Variants in CLSTN3 observed in about 807,000 individuals in gnomAD.
CLSTN3 encodes the protein calsyntenin 3.
In CLSTN3, 36 loss-of-function variants were observed where a neutral mutation model predicts 95.9. The ratio of observed to expected loss-of-function variants is 0.38; its 90% confidence interval spans 0.29 to 0.50. The LOEUF is 0.50. CLSTN3 is among the 20% of genes least tolerant of loss of function. The probability of loss-of-function intolerance (pLI) is 0.95; values close to 1 mark genes in which losing one functional copy is unlikely to be tolerated. For synonymous variants in CLSTN3, 481 were observed against 504.0 expected, an observed-to-expected ratio of 0.95 and a Z score of 0.61; for missense variants, 1,084 against 1,268.8, an observed-to-expected ratio of 0.85 and a Z score of 2.21.
At chr12:7,153,472 T>C (rs1008467135) in intron 16 of CLSTN3, among the ~76,000 whole-genome samples, 1 of 152,164 alleles carries the variant, frequency 6.6e-6, no homozygotes, top group African/African-American at 2.4e-5. Context: ...AGTGTTCTAC[T>C]GTGATTCACT....
chr12:7,129,381 C>T (rs1939236132), upstream of CLSTN3: 1 of 164,520 alleles, frequency 6.1e-6, no homozygotes, highest in Admixed American at 5.7e-5. The surrounding 1 kb of genome is among the most constrained non-coding windows in gnomAD (Gnocchi z 5.5). Context: ...AGAGCTCCCT[C>T]AGGTAGTGTG....
At chr12:7,139,654 TTA>T (rs769001013) in intron 8 of CLSTN3, among the ~76,000 whole-genome samples, 26 of 78,278 alleles carry the variant, frequency 3.3e-4, no homozygotes, top group African/African-American at 7.0e-4. Context: ...ATTATTATTA[TTA>T]TTTTTTTTTT....
chr12:7,137,294 G>T lies in CLSTN3; in HGVS notation c.1210+184G>T, dbSNP rs993453315. The T allele has an allele frequency of 4.8e-6, 3 of 624,152 alleles. No homozygotes were observed. Among genetic ancestry groups the T allele is most frequent in the Non-Finnish European group, 8.3e-6 (3 of 362,462 alleles). The allele number at this position is 624,152 out of a possible 1,614,324, so 38.7% of individuals were successfully genotyped here. A position where few individuals can be genotyped will look rare whatever the true frequency, so the allele number is the denominator to read the frequency against. On this transcript the variant is annotated intron_variant, in intron 7 of 17. Transcript: ENST00000266546. The surrounding 1 kb of genome is among the most constrained non-coding windows in gnomAD (Gnocchi z 4.4). The stretch of plus-strand genomic sequence containing the variant: ...CCAACATGACATGTTGGATCGTACT[G>T]CTGTCAGAGTGCAATGGGATTCCTT...
chr12:7,149,762 C>T lies in CLSTN3; in HGVS notation c.2245+69C>T. On this transcript the variant is annotated intron_variant, in intron 14 of 17. Transcript: ENST00000266546. This position sits in a 1 kb window ranked among gnomAD's most constrained non-coding sequence, Gnocchi z 4.5. ...TCCCAAAAAGTAAGGGCCTAGGAAG[C>T]CCAGAGGGTCCTCCTTCCAGGTCCA... is the stretch of plus-strand genomic sequence containing the variant. 2.1e-6 allele frequency: 3 copies of T among 1,427,144 alleles called. No individual in the cohort carries two copies. The allele number at this position is 1,427,144 out of a possible 1,614,324, so 88.4% of individuals were successfully genotyped here.
Position 7,133,851 on chromosome 12 carries a change from T to A in CLSTN3, c.383+83T>A. The A allele has an allele frequency of 3.6e-6, 4 of 1,120,586 alleles. No homozygotes were observed. The highest frequency in any genetic ancestry group is 3.8e-6 in the Non-Finnish European group (3 of 787,952). 69.4% of individuals were successfully genotyped at this position (1,120,586 alleles called of 1,614,324 possible). A position where few individuals can be genotyped will look rare whatever the true frequency, so the allele number is the denominator to read the frequency against. ...AGCCCACCATCCTCTGTCCGTGCGG[T>A]CATCGAATATCCACCCCCACCCGCT... On this transcript the variant is annotated intron_variant, in intron 3 of 17. Transcript: ENST00000266546. This position sits in a 1 kb window ranked among gnomAD's most constrained non-coding sequence, Gnocchi z 4.7.
chr12:7,143,314 G>A lies in CLSTN3; in HGVS notation c.1847+3G>A, dbSNP rs1374134467. On this transcript the variant is annotated splice_donor_region_variant and intron_variant, in intron 12 of 17. Coordinates refer to ENST00000266546, the MANE Select transcript of CLSTN3 (RefSeq NM_014718.4). ...CTGCGCCTCACCACTGCTGTCAAGT[G>A]AGTGTTGGGTGGGGCAGGGCAAATC... The A allele has an allele frequency of 1.2e-6, 2 of 1,606,602 alleles. No individual in the cohort carries two copies. Among genetic ancestry groups the A allele is most frequent in the African/African-American group, 1.3e-5 (1 of 74,936 alleles).
At chr12:7,145,042 G>A (rs1384333430) in intron 12 of CLSTN3, among the ~76,000 whole-genome samples, 4 of 152,200 alleles carry the variant, frequency 2.6e-5, no homozygotes, top group Non-Finnish European at 4.4e-5. Flanking sequence ...CTCCAGTGCT[G>A]AGGAGCCATG....
At chr12:7,148,212 G>GAAAGAAAT (rs1555169016) in intron 12 of CLSTN3, among the ~76,000 whole-genome samples, 16 of 147,196 alleles carry the variant, frequency 1.1e-4, no homozygotes, top group African/African-American at 3.3e-4. Context: ...AAGAAAGAAA[G>GAAAGAAAT]AAATGTGGGA....
chr12:7,135,437 G>A lies in CLSTN3; in HGVS notation c.494G>A (p.Arg165Gln), dbSNP rs1192960099. The A allele has an allele frequency of 4.3e-6, 7 of 1,614,108 alleles. No individual in the cohort carries two copies. Among genetic ancestry groups the A allele is most frequent in the Middle Eastern group, 1.6e-4 (1 of 6,062 alleles). The change falls in exon 4 of 18, where the codon CGG (arginine) becomes CAG (glutamine). Residue 165 changes from arginine to glutamine, a missense_variant. Transcript: ENST00000266546. ...GGGAAGCTGTACGATCGCATCCTGC[G>A]GGTGGAAGCCATTGACGGTGACTGC... ...TEGKLYDRIL[R>Q]VEAIDGDCSP...
In CLSTN3 at chr12:7,135,723, C is replaced by T. The variant is rs74057833; in HGVS notation, c.593-81C>T. 12,706 of 1,505,336 alleles carry T rather than the reference C, an allele frequency of 8.4e-3. 802 individuals carry two copies. In the African/African-American group the frequency reaches 0.15, roughly 17 times the overall value. The allele number at this position is 1,505,336 out of a possible 1,614,324, so 93.2% of individuals were successfully genotyped here. A position where few individuals can be genotyped will look rare whatever the true frequency, so the allele number is the denominator to read the frequency against. On this transcript the variant is annotated intron_variant, in intron 4 of 17. Coordinates refer to ENST00000266546, the MANE Select transcript of CLSTN3 (RefSeq NM_014718.4). ...CCTGCTGCCTAACCTGCCTGCTGCC[C>T]GATGATCTCAGACATCCTCCCCTCC...
At position 7,133,459 on chromosome 12, in the gene CLSTN3, C is replaced by A; in HGVS notation, c.188-114C>A. On this transcript the variant is annotated intron_variant, in intron 2 of 17. Coordinates refer to ENST00000266546, the MANE Select transcript of CLSTN3 (RefSeq NM_014718.4). This position sits in a 1 kb window ranked among gnomAD's most constrained non-coding sequence, Gnocchi z 4.7. ...TTGATCATTAATGCTTTTGTGCCTA[C>A]AGGAGAAGGGACAGGGCTTTGGGAG... The A allele has an allele frequency of 9.5e-7, 1 of 1,049,312 alleles. No individual in the cohort carries two copies. 65.0% of individuals were successfully genotyped at this position (1,049,312 alleles called of 1,614,324 possible).
chr12:7,147,708 T>A (rs1478910626), intron 12 of CLSTN3, among the ~76,000 whole-genome samples: 1 of 151,508 alleles, frequency 6.6e-6, no homozygotes, highest in Non-Finnish European at 1.5e-5. Context: ...AGAGACGGGG[T>A]TTCACTATGT....
chr12:7,156,117 G>C, intron 16 of CLSTN3: 1 of 362,558 alleles, frequency 2.8e-6, no homozygotes, highest in Non-Finnish European at 5.5e-6. Flanking sequence ...GTGTGTGTTT[G>C]GGGCACACAT....
chr12:7,135,065 C>T (rs906221305), intron 3 of CLSTN3, among the ~76,000 whole-genome samples: 9 of 151,910 alleles, frequency 5.9e-5, no homozygotes, highest in African/African-American at 1.5e-4. Flanking sequence ...ATGGGTGTAC[C>T]GTGTCGAGGC....
At position 7,150,766 on chromosome 12, in the gene CLSTN3, A is replaced by G; in HGVS notation, c.2391+77A>G. On this transcript the variant is annotated intron_variant, in intron 15 of 17. Coordinates refer to ENST00000266546, the MANE Select transcript of CLSTN3 (RefSeq NM_014718.4). The surrounding 1 kb of genome is among the most constrained non-coding windows in gnomAD (Gnocchi z 4.0). ...TGAGGTGGCATGGACTCAAAATGTT[A>G]GTTGGTGGGCATGGACATGGCAGCG... 1 of 1,582,554 alleles carries G rather than the reference A, an allele frequency of 6.3e-7. No homozygotes were observed. The highest frequency in any genetic ancestry group is 8.6e-7 in the Non-Finnish European group (1 of 1,157,890).
intron 1 of CLSTN3, chr12:7,131,045 C>T: frequency 2.2e-6 from 1 of 463,234 alleles, no homozygotes; most frequent in Non-Finnish European, 4.0e-6. Flanking sequence ...GGAAGGACTG[C>T]CCCCGAGCCG....
chr12:7,133,193 TG>T lies in CLSTN3; in HGVS notation c.187+50del. On this transcript the variant is annotated intron_variant, in intron 2 of 17. Coordinates refer to ENST00000266546, the MANE Select transcript of CLSTN3 (RefSeq NM_014718.4). This position sits in a 1 kb window ranked among gnomAD's most constrained non-coding sequence, Gnocchi z 4.7. Reference sequence around the variant, plus strand: ...CAAGGCAGGGTAGGACAGAGAAAAGTGGGTGGGAGGGCCAAGAGCAAGGGAG... The same window carrying T: ...CAAGGCAGGGTAGGACAGAGAAAAGTGGTGGGAGGGCCAAGAGCAAGGGAG... The T allele has an allele frequency of 6.7e-7, 1 of 1,493,188 alleles. No homozygotes were observed. The highest frequency in any genetic ancestry group is 9.1e-7 in the Non-Finnish European group (1 of 1,099,640). The allele number at this position is 1,493,188 out of a possible 1,614,324, so 92.5% of individuals were successfully genotyped here.
chr12:7,158,119 C>T lies in CLSTN3; in HGVS notation c.*38C>T, dbSNP rs1486571839. 6.8e-6 allele frequency: 10 copies of T among 1,470,842 alleles called. No individual in the cohort carries two copies. Among genetic ancestry groups the T allele is most frequent in the Admixed American group, 2.4e-5 (1 of 42,474 alleles). The allele number at this position is 1,470,842 out of a possible 1,614,324, so 91.1% of individuals were successfully genotyped here. On this transcript the variant is annotated 3_prime_UTR_variant, in exon 18 of 18. Coordinates refer to ENST00000266546, the MANE Select transcript of CLSTN3 (RefSeq NM_014718.4). ...TCCCCACGCAGAGGGGGAATTCTGC[C>T]CTGGTGAAACAGACACTCCAGACAT...
At chr12:7,130,277 G>C, upstream of CLSTN3, 1 of 719,550 alleles carries the variant, frequency 1.4e-6, no homozygotes, top group Non-Finnish European at 2.0e-6. Context: ...AGTCTCATTG[G>C]CTCCCTCCCC....
Sources: allele counts gnomAD v4.1 joint callset (sites outside exome capture counted in the v4.1 genomes callset), GRCh38; gene constraint gnomAD v4.1.1; non-coding constraint Gnocchi (gnomAD v3.1); transcripts MANE v1.5; gene names NCBI Gene and HGNC (gene_info 2026-07-23, HGNC 2026-07-21).